SS18L1: variants seen among roughly 807,000 people sequenced by gnomAD.
SS18L1 encodes SS18L1 subunit of BAF chromatin remodeling complex.
In SS18L1, 32 loss-of-function variants were observed where a neutral mutation model predicts 70.3. That is an observed-to-expected ratio of 0.46 (90% CI 0.34 to 0.61). The LOEUF is 0.61. Among genes scored for constraint, SS18L1 ranks in the 20% least tolerant of loss-of-function variants. The probability of loss-of-function intolerance (pLI) is 0.01; values close to 1 mark genes in which losing one functional copy is unlikely to be tolerated. For missense variants in SS18L1, 430 were observed against 542.1 expected (o/e 0.79, Z 2.05); for synonymous variants, 237 against 229.7 (o/e 1.03, Z -0.29).
At chr20:62,173,058 T>C (rs1488135804) in intron 9 of SS18L1, among the ~76,000 whole-genome samples, 2 of 152,360 alleles carry the variant, frequency 1.3e-5, no homozygotes, top group African/African-American at 4.8e-5. Flanking sequence ...TCCAGAAAAG[T>C]TGGAAACATC....
Position 62,180,946 on chromosome 20 carries a change from C to T in SS18L1, c.*1738C>T, listed in dbSNP as rs938901480. ...AATAAGTTAAAATTAATTCTTTATC[C>T]AGAGTCGGGTGCTTTAGAATTTATA... On this transcript the variant is annotated 3_prime_UTR_variant, in exon 11 of 11. Coordinates refer to ENST00000331758, the MANE Select transcript of SS18L1 (RefSeq NM_198935.3). The T allele has an allele frequency of 5.6e-6, 1 of 178,648 alleles. No homozygotes were observed. Among genetic ancestry groups the T allele is most frequent in the Non-Finnish European group, 1.2e-5 (1 of 83,472 alleles). 11.1% of individuals were successfully genotyped at this position (178,648 alleles called of 1,614,324 possible).
At position 62,159,922 on chromosome 20, in the gene SS18L1, C is replaced by T. The variant is rs746874623; in HGVS notation, c.192C>T (p.Ile64=). The T allele has an allele frequency of 2.3e-5, 37 of 1,612,476 alleles. No homozygotes were observed. Among genetic ancestry groups the T allele is most frequent in the African/African-American group, 4.0e-5 (3 of 74,878 alleles). Residue 64 remains isoleucine, a synonymous_variant, in exon 3 of 11, where the codon ATC becomes ATT. Transcript: ENST00000331758. This position sits in a 1 kb window ranked among gnomAD's most constrained non-coding sequence, Gnocchi z 4.4. The part of the protein sequence containing the change: ...LHRNLVYLAT[I]ADSNQNMQSL... Reference sequence around the variant, plus strand: ...GGAACCTGGTATACCTGGCCACGATCGCAGACTCCAACCAGAACATGCAGT... The same window carrying T: ...GGAACCTGGTATACCTGGCCACGATTGCAGACTCCAACCAGAACATGCAGT...
At chr20:62,164,106 G>A (rs2057382694) in intron 6 of SS18L1, 39 bp from the exon 7 acceptor site, 1 of 1,533,286 alleles carries the variant, frequency 6.5e-7, no homozygotes, top group Non-Finnish European at 8.8e-7. Flanking sequence ...AGGGAGGAGG[G>A]CGCGGCCCGC....
chr20:62,169,126 G>A (rs77185532), intron 8 of SS18L1, among the ~76,000 whole-genome samples: 157 of 152,350 alleles, frequency 1.0e-3, no homozygotes, highest in African/African-American at 3.6e-3. Context: ...TTGCAGTGAC[G>A]CATACTGGAC....
At chr20:62,165,020 C>CA (rs1376467929) in intron 7 of SS18L1, among the ~76,000 whole-genome samples, 1 of 152,222 alleles carries the variant, frequency 6.6e-6, no homozygotes, top group Non-Finnish European at 1.5e-5. Flanking sequence ...GGGCAGGTGG[C>CA]AGCAGGGCAA....
At chr20:62,145,748 C>T (rs1321682790) in intron 1 of SS18L1, among the ~76,000 whole-genome samples, 3 of 152,178 alleles carry the variant, frequency 2.0e-5, no homozygotes, top group Non-Finnish European at 1.5e-5. Context: ...CTTGGTAGGG[C>T]CAGCAGTCTG....
At chr20:62,151,847 C>CT in intron 1 of SS18L1, among the ~76,000 whole-genome samples, 3 of 140,702 alleles carry the variant, frequency 2.1e-5, no homozygotes, top group African/African-American at 8.2e-5. Flanking sequence ...CTCCCCCGTT[C>CT]CCCTCTTTTC....
chr20:62,166,302 C>T (rs1004664216), intron 8 of SS18L1, among the ~76,000 whole-genome samples: 20 of 152,388 alleles, frequency 1.3e-4, no homozygotes, highest in African/African-American at 4.8e-4. Flanking sequence ...GACCGGCAGG[C>T]AGCAGTGGCT....
intron 8 of SS18L1, among the ~76,000 whole-genome samples, chr20:62,170,740 C>T (rs916001153): frequency 2.6e-5 from 4 of 152,256 alleles, no homozygotes; most frequent in Non-Finnish European, 5.9e-5. Flanking sequence ...TGCCAGTTCC[C>T]ACTAGATCGC....
intron 1 of SS18L1, chr20:62,154,520 A>G (rs2057188230): frequency 9.8e-7 from 1 of 1,017,118 alleles, no homozygotes; most frequent in African/African-American, 1.7e-5. Flanking sequence ...GGCCCCCCAG[A>G]GGTCTCCGTT....
At chr20:62,152,863 C>A (rs1237338609) in intron 1 of SS18L1, among the ~76,000 whole-genome samples, 1 of 152,200 alleles carries the variant, frequency 6.6e-6, no homozygotes. Flanking sequence ...GGGGCCACAG[C>A]TGCCTGTCGG....
At position 62,158,643 on chromosome 20, in the gene SS18L1, G is replaced by T. The variant is rs767620403; in HGVS notation, c.70-29G>T. 2 of 1,609,764 alleles carry T rather than the reference G, an allele frequency of 1.2e-6. No homozygotes were observed. On this transcript the variant is annotated intron_variant, in intron 1 of 10. Coordinates refer to ENST00000331758, the MANE Select transcript of SS18L1 (RefSeq NM_198935.3). This position sits in a 1 kb window ranked among gnomAD's most constrained non-coding sequence, Gnocchi z 4.5. ...CGAGGGTCAGCGACAGCCCCGCGTC[G>T]GCAGCGCCCGCTCACGCTCTCTCCG...
In SS18L1 at chr20:62,163,641, A is replaced by AGGTCG. The variant is rs2057373611; in HGVS notation, c.721+20_721+24dup. ...CAGCAAGGTAACGCCCGGCCGGGCC[A>AGGTCG]GGTCGCGGGCACAGCTGACCGCCGC... On this transcript the variant is annotated intron_variant, in intron 6 of 10. Transcript: ENST00000331758. The AGGTCG allele has an allele frequency of 5.8e-6, 9 of 1,544,558 alleles. No homozygotes were observed. Among genetic ancestry groups the AGGTCG allele is most frequent in the African/African-American group, 1.4e-5 (1 of 74,030 alleles).
At chr20:62,170,117 A>G (rs1336660219) in intron 8 of SS18L1, among the ~76,000 whole-genome samples, 1 of 152,228 alleles carries the variant, frequency 6.6e-6, no homozygotes, top group Non-Finnish European at 1.5e-5. Flanking sequence ...CTGAGGAAGC[A>G]GAGGGTGTGC....
intron 10 of SS18L1, among the ~76,000 whole-genome samples, chr20:62,177,157 GC>G (rs537932276): frequency 1.3e-3 from 192 of 152,310 alleles, no homozygotes; most frequent in African/African-American, 3.7e-3. Context: ...AGGCGCTGTG[GC>G]TCACGCCTAT....
rs1056885 is a variant in SS18L1 at position 62,182,433 on chromosome 20, A to G, written c.*3225A>G. The G allele has an allele frequency of 0.15, 30,295 of 196,216 alleles. 4,371 individuals carry two copies. Among genetic ancestry groups the G allele is most frequent in the African/African-American group, 0.42 (17,950 of 43,230 alleles). 12.2% of individuals were successfully genotyped at this position (196,216 alleles called of 1,614,324 possible). ...TTTTTCAGTCGGAGTTTGACGTATA[A>G]ATTGTTTATGCTTTTGGTGTAATCT... is the stretch of plus-strand genomic sequence containing the variant. On this transcript the variant is annotated 3_prime_UTR_variant, in exon 11 of 11. Transcript: ENST00000331758.
chr20:62,162,747 G>A lies in SS18L1; in HGVS notation c.377-5G>A. ...CCTGACACCACTCCCTGCTCCCCAT[G>A]CCAGGGCCGAGCCACGTGTCCATGC... On this transcript the variant is annotated splice_region_variant and splice_polypyrimidine_tract_variant and intron_variant, in intron 4 of 10. Coordinates refer to ENST00000331758, the MANE Select transcript of SS18L1 (RefSeq NM_198935.3). The A allele has an allele frequency of 6.2e-7, 1 of 1,605,102 alleles. No homozygotes were observed. Among genetic ancestry groups the A allele is most frequent in the Non-Finnish European group, 8.5e-7 (1 of 1,174,442 alleles).
At chr20:62,178,968 G>A (rs900952821) in intron 10 of SS18L1, among the ~76,000 whole-genome samples, 8 of 152,234 alleles carry the variant, frequency 5.3e-5, no homozygotes, top group African/African-American at 1.9e-4. Flanking sequence ...ATGCCAGTGT[G>A]TGACTGAACA....
At chr20:62,146,872 C>T (rs2057039843) in intron 1 of SS18L1, among the ~76,000 whole-genome samples, 1 of 152,072 alleles carries the variant, frequency 6.6e-6, no homozygotes, top group Non-Finnish European at 1.5e-5. Flanking sequence ...GCCCCCTCCC[C>T]CCCTTAGCCT....
Sources: allele counts gnomAD v4.1 joint callset (sites outside exome capture counted in the v4.1 genomes callset), GRCh38; gene constraint gnomAD v4.1.1; non-coding constraint Gnocchi (gnomAD v3.1); transcripts MANE v1.5; gene names NCBI Gene and HGNC (gene_info 2026-07-23, HGNC 2026-07-21).